The following IMMP2L variants were observed in gnomAD, a reference collection of about 807,000 sequenced individuals.
IMMP2L encodes the protein mitochondrial inner membrane protease subunit 2.
In IMMP2L, 18 loss-of-function variants were observed where a neutral mutation model predicts 19.3. The observed-to-expected ratio is 0.93, with a 90% CI of 0.64 to 1.38. IMMP2L has a LOEUF of 1.38. Among genes scored for constraint, IMMP2L ranks in the 40% most tolerant of loss-of-function variants. The probability of loss-of-function intolerance (pLI) is 0.00; values close to 1 mark genes in which losing one functional copy is unlikely to be tolerated. For missense variants in IMMP2L, 233 were observed against 218.2 expected (o/e 1.07, Z -0.43); for synonymous variants, 76 against 73.0 (o/e 1.04, Z -0.21).
At chr7:111,392,351 TTA>T (rs1185495386) in intron 3 of IMMP2L, among the ~76,000 whole-genome samples, 3 of 152,144 alleles carry the variant, frequency 2.0e-5, no homozygotes, top group Non-Finnish European at 4.4e-5. Flanking sequence ...GGCCAAGAAT[TTA>T]TAGATTTAGA....
intron 3 of IMMP2L, among the ~76,000 whole-genome samples, chr7:111,025,664 G>A (rs1478996773): frequency 1.3e-5 from 2 of 152,126 alleles, no homozygotes; most frequent in Non-Finnish European, 2.9e-5. Context: ...CTCTGGGAGG[G>A]TGATATGAGT....
intron 3 of IMMP2L, among the ~76,000 whole-genome samples, chr7:111,468,448 A>G (rs1840894990): frequency 6.6e-6 from 1 of 152,152 alleles, no homozygotes; most frequent in African/African-American, 2.4e-5. Flanking sequence ...TTGGATGGCT[A>G]GTTTCTCCCA....
intron 5 of IMMP2L, among the ~76,000 whole-genome samples, chr7:110,843,560 T>C (rs960818417): frequency 5.3e-5 from 8 of 152,218 alleles, no homozygotes; most frequent in African/African-American, 1.9e-4. Context: ...TCAGGCATCA[T>C]GCTGAAGATT....
intron 5 of IMMP2L, among the ~76,000 whole-genome samples, chr7:110,743,454 A>T (rs538600335): frequency 1.5e-4 from 23 of 152,282 alleles, no homozygotes; most frequent in South Asian, 1.2e-3. Context: ...TGTTTTTTTA[A>T]AAAAAATAAT....
chr7:110,668,659 T>C (rs1272765299), intron 5 of IMMP2L, among the ~76,000 whole-genome samples: 3 of 152,226 alleles, frequency 2.0e-5, no homozygotes, highest in Non-Finnish European at 2.9e-5. Context: ...TTATTAAGGC[T>C]ACTACTCTTG....
At chr7:110,788,422 C>A (rs1166166633) in intron 5 of IMMP2L, among the ~76,000 whole-genome samples, 1 of 149,622 alleles carries the variant, frequency 6.7e-6, no homozygotes, top group Non-Finnish European at 1.5e-5. Flanking sequence ...CTCTTAGTAG[C>A]ACTGGCTACT....
At chr7:110,832,057 A>C (rs748313896) in intron 5 of IMMP2L, among the ~76,000 whole-genome samples, 1 of 152,150 alleles carries the variant, frequency 6.6e-6, no homozygotes, top group Non-Finnish European at 1.5e-5. Flanking sequence ...AGGTCAGGAG[A>C]TCAAGACTAC....
chr7:111,507,450 T>A (rs1187917084), intron 2 of IMMP2L, among the ~76,000 whole-genome samples: 1 of 152,122 alleles, frequency 6.6e-6, no homozygotes, highest in African/African-American at 2.4e-5. Flanking sequence ...CAGTTCACAT[T>A]TTTAAAAAAT....
chr7:111,055,606 C>A (rs1487286944), intron 3 of IMMP2L, among the ~76,000 whole-genome samples: 1 of 152,172 alleles, frequency 6.6e-6, no homozygotes, highest in Non-Finnish European at 1.5e-5. Flanking sequence ...TGTCAAACTG[C>A]TTTCGTAGGC....
At chr7:111,074,855 C>T (rs969080074) in intron 3 of IMMP2L, among the ~76,000 whole-genome samples, 4 of 151,988 alleles carry the variant, frequency 2.6e-5, no homozygotes, top group East Asian at 1.9e-4. Context: ...AACAGAAATG[C>T]GGAAAATATC....
At chr7:111,097,441 G>A (rs1335159317) in intron 3 of IMMP2L, 3 of 151,746 alleles carry the variant, frequency 2.0e-5, no homozygotes, top group Non-Finnish European at 4.4e-5. Context: ...AATTAATAAC[G>A]ACTATAATGA....
intron 3 of IMMP2L, among the ~76,000 whole-genome samples, chr7:111,203,761 C>G (rs1296141777): frequency 6.6e-6 from 1 of 151,484 alleles, no homozygotes; most frequent in Non-Finnish European, 1.5e-5. Flanking sequence ...CAAAAAAGAT[C>G]CTCGGGGTAT....
intron 4 of IMMP2L, among the ~76,000 whole-genome samples, chr7:110,958,804 C>T (rs887862634): frequency 1.3e-5 from 2 of 152,038 alleles, no homozygotes; most frequent in African/African-American, 2.4e-5. Context: ...GTAATTCAGA[C>T]ATGAGGCACA....
Position 110,663,449 on chromosome 7 carries a change from T to C in IMMP2L, c.*153A>G. 1.7e-6 allele frequency: 1 copy of C among 591,262 alleles called. No homozygotes were observed. Among genetic ancestry groups the C allele is most frequent in the South Asian group, 2.3e-5 (1 of 43,260 alleles). The allele number at this position is 591,262 out of a possible 1,614,324, so 36.6% of individuals were successfully genotyped here. The stretch of plus-strand genomic sequence containing the variant: ...AATACTGTTTAACATTTGAAAATTA[T>C]TTATTTAATAATACAGATCGTTTTA... On this transcript the variant is annotated 3_prime_UTR_variant, in exon 6 of 6. Transcript: ENST00000405709.
intron 2 of IMMP2L, among the ~76,000 whole-genome samples, chr7:111,488,517 G>A (rs986209734): frequency 6.6e-6 from 1 of 151,968 alleles, no homozygotes; most frequent in Admixed American, 6.6e-5. Flanking sequence ...ACATTATTTC[G>A]TTCCTTTTTA....
chr7:110,949,890 C>A (rs1585401635), intron 4 of IMMP2L, among the ~76,000 whole-genome samples: 1 of 152,118 alleles, frequency 6.6e-6, no homozygotes, highest in Non-Finnish European at 1.5e-5. Flanking sequence ...AAGTCTAACA[C>A]CCACCATTAT....
rs181245538 is a variant in IMMP2L, at chr7:110,801,824, T to C, written c.408+84769A>G. On this transcript the variant is annotated intron_variant, in intron 5 of 5. Coordinates refer to ENST00000405709, the MANE Select transcript of IMMP2L (RefSeq NM_032549.4). ...GAGGTCTGGAACATGGGGTAACAGA[T>C]ATTGGGTTGGGTGACACAGCTTGCT... Among the ~76,000 whole-genome samples, 488 of 152,120 alleles carry C rather than the reference T, an allele frequency of 3.2e-3. 3 individuals carry two copies. Among genetic ancestry groups the C allele is most frequent in the Non-Finnish European group, 5.1e-3 (349 of 67,978 alleles).
intron 1 of IMMP2L, among the ~76,000 whole-genome samples, chr7:111,537,488 A>C (rs740346): frequency 0.43 from 63,799 of 149,734 alleles, 14,112 homozygotes; most frequent in Non-Finnish European, 0.49. Context: ...TTAGCATATA[A>C]GGCTAATTAT....
chr7:111,288,780 G>A (rs1820771720), intron 3 of IMMP2L, among the ~76,000 whole-genome samples: 1 of 152,148 alleles, frequency 6.6e-6, no homozygotes, highest in Admixed American at 6.5e-5. Flanking sequence ...AGATGCTGGA[G>A]AGGATGTGGA....
Sources: allele counts gnomAD v4.1 joint callset (sites outside exome capture counted in the v4.1 genomes callset), GRCh38; gene constraint gnomAD v4.1.1; transcripts MANE v1.5; gene names NCBI Gene and HGNC (gene_info 2026-07-23, HGNC 2026-07-21).